DACH2: variants seen among roughly 807,000 people sequenced by gnomAD.
The protein encoded by DACH2 is dachshund homolog 2.
A neutral mutation model predicts 35.8 loss-of-function variants in DACH2; 17 were observed. The observed-to-expected ratio is 0.48, with a 90% confidence interval of 0.33 to 0.71. The LOEUF is 0.71. DACH2 is among the 30% of genes least tolerant of loss of function. The pLI is 0.02. For missense variants in DACH2, 469 were observed against 472.7 expected (o/e 0.99, Z 0.07); for synonymous variants, 195 against 177.3 (o/e 1.10, Z -0.79).
chrX:86,482,617 T>C (rs769353477), intron 2 of DACH2, among the ~76,000 whole-genome samples: 5 of 108,281 alleles, frequency 4.6e-5, no homozygotes, highest in African/African-American at 1.0e-4. Flanking sequence ...GCCACACTGA[T>C]TTCCACAATG....
At chrX:86,669,832 C>G (rs2040743372) in intron 4 of DACH2, among the ~76,000 whole-genome samples, 1 of 110,883 alleles carries the variant, frequency 9.0e-6, no homozygotes, top group Admixed American at 9.6e-5. Context: ...CACTGCCAAG[C>G]AGTAGAGTAG....
intron 5 of DACH2, among the ~76,000 whole-genome samples, chrX:86,698,519 G>GTTTTTTTTTTTTTTTTTTTTTTTTTTT (rs1378300889): frequency 2.2e-4 from 7 of 32,085 alleles, no homozygotes; most frequent in Admixed American, 8.1e-4. Flanking sequence ...TGTTAGTTTT[G>GTTTTTTTTTTTTTTTTTTTTTTTTTTT]TGTTTTTTTT....
chrX:86,399,203 C>A (rs1231343089), intron 2 of DACH2, among the ~76,000 whole-genome samples: 3 of 111,612 alleles, frequency 2.7e-5, no homozygotes, highest in African/African-American at 9.8e-5. Context: ...AGGATTGCAA[C>A]CCCTGCCTTT....
chrX:86,426,247 G>A (rs1159049461), intron 2 of DACH2, among the ~76,000 whole-genome samples: 1 of 110,783 alleles, frequency 9.0e-6, no homozygotes, highest in Non-Finnish European at 1.9e-5. Flanking sequence ...AACATTATGT[G>A]TGTGTGCTAC....
intron 3 of DACH2, among the ~76,000 whole-genome samples, chrX:86,576,886 C>T (rs1280051942): frequency 9.0e-6 from 1 of 111,006 alleles, no homozygotes; most frequent in East Asian, 2.9e-4. Flanking sequence ...ATAATCTCTG[C>T]ACACACCAGC....
chrX:86,556,777 TATATATATATATATATATAGAGAG>T (rs1162754034), intron 3 of DACH2, among the ~76,000 whole-genome samples: 4 of 63,771 alleles, frequency 6.3e-5, no homozygotes, highest in African/African-American at 1.3e-4. Context: ...TATATATATA[TATATATATATATATATATAGAGAG>T]AGAGAGAGAG....
intron 3 of DACH2, among the ~76,000 whole-genome samples, chrX:86,625,209 A>AGT (rs72281959): frequency 0.066 from 5,601 of 85,321 alleles, 190 homozygotes; most frequent in East Asian, 0.11. Context: ...AAACCTTCTT[A>AGT]GTGTGTGTGT....
At chrX:86,323,418 T>G (rs184932795) in intron 1 of DACH2, among the ~76,000 whole-genome samples, 1 of 111,997 alleles carries the variant, frequency 8.9e-6, no homozygotes, top group East Asian at 2.8e-4. Flanking sequence ...TCCCCCTGTC[T>G]GTAGAAAGTC....
intron 3 of DACH2, among the ~76,000 whole-genome samples, chrX:86,595,640 G>T (rs1416869388): frequency 9.1e-6 from 1 of 109,914 alleles, no homozygotes; most frequent in East Asian, 2.9e-4. Context: ...TATCTTCCAT[G>T]TTTGTAACTA....
At chrX:86,826,849 A>C (rs2042566956) in intron 11 of DACH2, among the ~76,000 whole-genome samples, 1 of 112,456 alleles carries the variant, frequency 8.9e-6, no homozygotes, top group Admixed American at 9.4e-5. Context: ...CCTTCAAGAG[A>C]TTATCTTACT....
At chrX:86,163,821 C>G (rs1171095860) in intron 1 of DACH2, among the ~76,000 whole-genome samples, 1 of 111,230 alleles carries the variant, frequency 9.0e-6, no homozygotes, top group Non-Finnish European at 1.9e-5. Context: ...TAATCCATTT[C>G]TGTCATCGAT....
At chrX:86,459,765 G>C (rs7883655) in intron 2 of DACH2, among the ~76,000 whole-genome samples, 88 of 111,378 alleles carry the variant, frequency 7.9e-4, no homozygotes, top group African/African-American at 2.6e-3. Flanking sequence ...TTGCTATTAA[G>C]TAGAGTGTTT....
intron 6 of DACH2, among the ~76,000 whole-genome samples, chrX:86,734,234 T>A (rs1331644916): frequency 9.0e-6 from 1 of 110,906 alleles, no homozygotes; most frequent in African/African-American, 3.3e-5. Flanking sequence ...AAAGGGTGTG[T>A]GTATTATTTT....
intron 2 of DACH2, among the ~76,000 whole-genome samples, chrX:86,425,931 G>A (rs2036886623): frequency 1.8e-5 from 2 of 110,908 alleles, no homozygotes; most frequent in African/African-American, 6.5e-5. Context: ...AAATAAGTTG[G>A]AAATTATGAG....
rs140341720 is a variant in DACH2 at position 86,202,389 on chromosome X, A to G, written c.488+53281A>G. ...GCTTGTGGGAATCATATTGTTTCTCAGAGGAGATGGCTTTAAAAGCTGTTC... is the reference window on the plus strand; with the variant it reads ...GCTTGTGGGAATCATATTGTTTCTCGGAGGAGATGGCTTTAAAAGCTGTTC... On this transcript the variant is annotated intron_variant, in intron 1 of 11. Transcript: ENST00000373125. 4.8e-3 allele frequency among the ~76,000 whole-genome samples: 540 copies of G among 111,930 alleles called. 5 individuals are homozygous for G. The East Asian group carries it at 0.07, about 14-fold the overall frequency.
intron 7 of DACH2, among the ~76,000 whole-genome samples, chrX:86,741,997 G>T (rs2041661754): frequency 9.1e-6 from 1 of 110,120 alleles, no homozygotes; most frequent in Non-Finnish European, 1.9e-5. Flanking sequence ...ATATATTTAT[G>T]ATATAATAGA....
At chrX:86,623,767 C>CTGTGCA (rs2040095398) in intron 3 of DACH2, among the ~76,000 whole-genome samples, 1 of 108,390 alleles carries the variant, frequency 9.2e-6, no homozygotes, top group African/African-American at 3.3e-5. Context: ...TAAAAAGTGG[C>CTGTGCA]GGCCGGGCGC....
At chrX:86,658,970 G>C (rs979952894) in intron 4 of DACH2, among the ~76,000 whole-genome samples, 5 of 111,202 alleles carry the variant, frequency 4.5e-5, no homozygotes, top group African/African-American at 1.6e-4. Flanking sequence ...CAGATGTTGA[G>C]TACTTTACCT....
At chrX:86,406,936 T>C (rs755788881) in intron 2 of DACH2, among the ~76,000 whole-genome samples, 2 of 111,880 alleles carry the variant, frequency 1.8e-5, no homozygotes, top group Non-Finnish European at 3.8e-5. Flanking sequence ...AAAATGAAAA[T>C]GGGAGGGAAA....
Sources: gnomAD v4.1 joint callset for allele counts (sites outside exome capture counted in the v4.1 genomes callset) on GRCh38, gnomAD v4.1.1 for gene constraint, MANE v1.5 for transcripts, NCBI Gene and HGNC (gene_info 2026-07-23, HGNC 2026-07-21) for gene names.